ARHGAP31: variants seen among roughly 807,000 people sequenced by gnomAD.
ARHGAP31 encodes the protein rho GTPase-activating protein 31.
Under a neutral mutation model 113.9 loss-of-function variants are expected in ARHGAP31, and 34 were observed. That is an observed-to-expected ratio of 0.30 (90% CI 0.23 to 0.40). ARHGAP31 has a LOEUF of 0.40. ARHGAP31 is among the 10% of genes least tolerant of loss of function. ARHGAP31 has a pLI of 1.00. For synonymous variants in ARHGAP31, 650 were observed against 684.8 expected, an observed-to-expected ratio of 0.95 and a Z score of 0.79; for missense variants, 1,548 against 1,767.1, an observed-to-expected ratio of 0.88 and a Z score of 2.22.
intron 1 of ARHGAP31, among the ~76,000 whole-genome samples, chr3:119,330,842 A>G (rs934009012): frequency 1.3e-5 from 2 of 152,238 alleles, no homozygotes; most frequent in South Asian, 4.1e-4. Flanking sequence ...CATATTACGC[A>G]TAGGAACAGA....
chr3:119,309,602 AT>A, intron 1 of ARHGAP31, among the ~76,000 whole-genome samples: 1 of 149,864 alleles, frequency 6.7e-6, no homozygotes, highest in Admixed American at 6.6e-5. Flanking sequence ...AAAAAAAAAA[AT>A]ACAAATATTA....
chr3:119,380,305 A>T (rs2080385021), intron 3 of ARHGAP31, among the ~76,000 whole-genome samples: 1 of 152,114 alleles, frequency 6.6e-6, no homozygotes, highest in Non-Finnish European at 1.5e-5. Context: ...TTGCACCCAG[A>T]AAGACAGCTG....
At chr3:119,296,302 C>T (rs1576980609) in intron 1 of ARHGAP31, among the ~76,000 whole-genome samples, 1 of 152,222 alleles carries the variant, frequency 6.6e-6, no homozygotes, top group African/African-American at 2.4e-5. Flanking sequence ...GGTTTCAAAA[C>T]TGACTCTTTT....
At position 119,418,089 on chromosome 3, in the gene ARHGAP31, C is replaced by T; in HGVS notation, c.*1825C>T. 7.1e-6 allele frequency: 1 copy of T among 141,392 alleles called. No individual in the cohort carries two copies. Among genetic ancestry groups the T allele is most frequent in the South Asian group, 2.6e-4 (1 of 3,798 alleles). 8.8% of individuals were successfully genotyped at this position (141,392 alleles called of 1,614,324 possible). ...CCTCCCTCCCCGCCAATAAGCCTTA[C>T]AAACAGTTTTGAAATCTTGTTCTGT... is the stretch of plus-strand genomic sequence containing the variant. On this transcript the variant is annotated 3_prime_UTR_variant, in exon 12 of 12. Transcript: ENST00000264245.
chr3:119,300,845 AGAAAGAAAG>A (rs758955357), intron 1 of ARHGAP31, among the ~76,000 whole-genome samples: 22 of 91,558 alleles, frequency 2.4e-4, no homozygotes, highest in African/African-American at 8.4e-4. Flanking sequence ...AAAAAAAAAA[AGAAAGAAAG>A]AAAGAAAGAA....
chr3:119,409,891 C>A, intron 11 of ARHGAP31, 115 bp downstream of exon 11: 3 of 1,113,968 alleles, frequency 2.7e-6, no homozygotes, highest in Non-Finnish European at 3.8e-6. Flanking sequence ...CAGTTTCTGC[C>A]AAAGGGACTT....
intron 2 of ARHGAP31, among the ~76,000 whole-genome samples, chr3:119,366,332 G>C (rs1238837915): frequency 6.6e-6 from 1 of 151,912 alleles, no homozygotes; most frequent in Non-Finnish European, 1.5e-5. Flanking sequence ...AGTTGTGCAG[G>C]TAATTCAGTT....
chr3:119,337,405 G>A (rs148061564), intron 1 of ARHGAP31, among the ~76,000 whole-genome samples: 20 of 152,224 alleles, frequency 1.3e-4, no homozygotes, highest in African/African-American at 4.1e-4. Flanking sequence ...GACCTTTGTG[G>A]TGAGTGTTAC....
Position 119,416,174 on chromosome 3 carries a change from C to A in ARHGAP31, c.4245C>A (p.Gly1415=), listed in dbSNP as rs757081042. The change falls in exon 12 of 12, where the codon GGC becomes GGA. Residue 1415 remains glycine (G), a synonymous_variant. Transcript: ENST00000264245. ...ATAAAATGACCATCCCTAAGAATGG[C>A]CAGAGACTAGAGACCTCAACCAGCT... ...LRNKMTIPKN[G]QRLETSTSCF... 9.9e-6 allele frequency: 16 copies of A among 1,614,066 alleles called. No homozygotes were observed. The highest frequency in any genetic ancestry group is 1.7e-6 in the Non-Finnish European group (2 of 1,180,038).
chr3:119,342,455 C>T (rs1349157350), intron 1 of ARHGAP31, among the ~76,000 whole-genome samples: 1 of 152,200 alleles, frequency 6.6e-6, no homozygotes, highest in African/African-American at 2.4e-5. Flanking sequence ...GAGCATGTTT[C>T]AGTAAGGTTC....
At chr3:119,377,552 A>G (rs2080359604) in intron 3 of ARHGAP31, among the ~76,000 whole-genome samples, 1 of 152,172 alleles carries the variant, frequency 6.6e-6, no homozygotes, top group Non-Finnish European at 1.5e-5. Context: ...TGTGGCCTGT[A>G]TGGAGCAAGG....
rs976819872 is a variant in ARHGAP31 at position 119,294,539 on chromosome 3, A to G, written c.-366A>G. On this transcript the variant is annotated 5_prime_UTR_variant, in exon 1 of 12. Coordinates refer to ENST00000264245, the MANE Select transcript of ARHGAP31 (RefSeq NM_020754.4). ...CGCGTCGTCTCCGGGGCACTTAGTA[A>G]GGGGTGGGGAGAGCTTGCCCTCCCT... 1.7e-5 allele frequency: 8 copies of G among 459,330 alleles called. No homozygotes were observed. Among genetic ancestry groups the G allele is most frequent in the African/African-American group, 1.6e-4 (8 of 48,806 alleles). The allele number at this position is 459,330 out of a possible 1,614,324, so 28.5% of individuals were successfully genotyped here. A position where few individuals can be genotyped will look rare whatever the true frequency, so the allele number is the denominator to read the frequency against.
Position 119,294,873 on chromosome 3 carries a change from A to G in ARHGAP31, c.-32A>G. On this transcript the variant is annotated 5_prime_UTR_variant, in exon 1 of 12. Coordinates refer to ENST00000264245, the MANE Select transcript of ARHGAP31 (RefSeq NM_020754.4). ...GCGGTGCCAAGCAGAGGGGCGGCAG[A>G]GACGGAGGGGCAGCCTCTTTGGGAC... is the stretch of plus-strand genomic sequence containing the variant. 2 of 1,603,134 alleles carry G rather than the reference A, an allele frequency of 1.2e-6. No homozygotes were observed. The highest frequency in any genetic ancestry group is 1.7e-6 in the Non-Finnish European group (2 of 1,170,440).
intron 1 of ARHGAP31, among the ~76,000 whole-genome samples, chr3:119,303,788 TG>T (rs112248511): frequency 0.19 from 28,307 of 150,250 alleles, 5,194 homozygotes; most frequent in African/African-American, 0.47. Flanking sequence ...TCATGTTTTT[TG>T]TTGTTGTTGT....
rs1263353833 is a variant in ARHGAP31 at position 119,414,436 on chromosome 3, G to C, written c.2507G>C (p.Gly836Ala). ...DSPEISSLCQ[G>A]EEATPRHSDK... Reference sequence around the variant, plus strand: ...CCTGAGATCTCTAGCCTCTGTCAGGGAGAGGAGGCAACCCCAAGACACAGT... The same window carrying C: ...CCTGAGATCTCTAGCCTCTGTCAGGCAGAGGAGGCAACCCCAAGACACAGT... Residue 836 changes from glycine to alanine, a missense_variant, in exon 12 of 12, where the codon GGA (glycine) becomes GCA (alanine). Physicochemically the swap from Gly to Ala is moderately conservative, Grantham distance 60 (BLOSUM62 0). Transcript: ENST00000264245. 2.5e-6 allele frequency: 4 copies of C among 1,614,242 alleles called. No individual in the cohort carries two copies. The highest frequency in any genetic ancestry group is 2.7e-5 in the African/African-American group (2 of 75,058).
rs2080779212 is a variant in ARHGAP31 at position 119,416,329 on chromosome 3, C to T, written c.*65C>T. On this transcript the variant is annotated 3_prime_UTR_variant, in exon 12 of 12. Transcript: ENST00000264245. ...CATCTGGAAGTTATTACAGGGCCAGCTTGCCATATTCCAGGCACACGTTAT... is the reference window on the plus strand; with the variant it reads ...CATCTGGAAGTTATTACAGGGCCAGTTTGCCATATTCCAGGCACACGTTAT... 1 of 1,601,760 alleles carries T rather than the reference C, an allele frequency of 6.2e-7. No individual in the cohort carries two copies. The highest frequency in any genetic ancestry group is 1.3e-5 in the African/African-American group (1 of 74,872).
intron 6 of ARHGAP31, among the ~76,000 whole-genome samples, chr3:119,385,897 T>G (rs1485071652): frequency 6.6e-6 from 1 of 152,180 alleles, no homozygotes; most frequent in Non-Finnish European, 1.5e-5. Context: ...AGAACTAGGG[T>G]TTTTGGGAAA....
At chr3:119,324,886 C>T (rs1286505546) in intron 1 of ARHGAP31, 2 of 454,576 alleles carry the variant, frequency 4.4e-6, no homozygotes, top group African/African-American at 2.0e-5. Flanking sequence ...CTTGGTCTCT[C>T]AGTTTGCAGA....
At position 119,365,382 on chromosome 3, in the gene ARHGAP31, G is replaced by A; in HGVS notation, c.167G>A (p.Arg56Gln). 1.2e-6 allele frequency: 2 copies of A among 1,614,016 alleles called. No homozygotes were observed. Among genetic ancestry groups the A allele is most frequent in the South Asian group, 1.1e-5 (1 of 91,074 alleles). Residue 56 changes from arginine to glutamine, a missense_variant, in exon 2 of 12, where the codon CGG becomes CAG. Transcript: ENST00000264245. ...ETHGIVDGIYRLSGVTSNIQR... is the reference protein window; with the variant it reads ...ETHGIVDGIYQLSGVTSNIQR... Reference sequence around the variant, plus strand: ...CACGGCATCGTGGATGGAATCTATCGGCTTTCAGGAGTCACCTCAAACATA... The same window carrying A: ...CACGGCATCGTGGATGGAATCTATCAGCTTTCAGGAGTCACCTCAAACATA...
Sources: allele counts gnomAD v4.1 joint callset (sites outside exome capture counted in the v4.1 genomes callset), GRCh38; gene constraint gnomAD v4.1.1; transcripts MANE v1.5; gene names NCBI Gene and HGNC (gene_info 2026-07-23, HGNC 2026-07-21).